The following MIB1 variants were observed in gnomAD, a reference collection of about 807,000 sequenced individuals.
MIB1 encodes E3 ubiquitin-protein ligase MIB1.
A neutral mutation model predicts 124.5 loss-of-function variants in MIB1; 278 were observed. The observed-to-expected ratio is 2.23, with a 90% CI of 2.02 to 2.47. MIB1 has a LOEUF of 2.47. Ranked by LOEUF, MIB1 falls within the 30% of genes most tolerant of loss-of-function variation. The probability of loss-of-function intolerance (pLI) is 0.00; values close to 1 mark genes in which losing one functional copy is unlikely to be tolerated. For synonymous variants in MIB1, 446 were observed against 429.4 expected (o/e 1.04, Z -0.48); for missense variants, 957 against 1,254.4 (o/e 0.76, Z 3.58).
chr18:21,778,286 A>G (rs1370430170), intron 5 of MIB1, 117 bp downstream of exon 5: 2 of 647,088 alleles, frequency 3.1e-6, no homozygotes, highest in East Asian at 5.9e-5. Flanking sequence ...TTAGAGAAAA[A>G]ATTTTTTGGC....
intron 14 of MIB1, 87 bp downstream of exon 14, chr18:21,843,304 G>A (rs2042108161): frequency 2.5e-6 from 2 of 810,878 alleles, no homozygotes; most frequent in South Asian, 4.0e-5. Context: ...ATGATACAGT[G>A]TTACATGTCT....
intron 10 of MIB1, among the ~76,000 whole-genome samples, chr18:21,805,236 C>T (rs960375078): frequency 6.6e-6 from 1 of 152,198 alleles, no homozygotes; most frequent in African/African-American, 2.4e-5. Context: ...TGGTCTCGAG[C>T]TCCTGACCTC....
At chr18:21,784,337 G>A (rs1426925445) in intron 6 of MIB1, among the ~76,000 whole-genome samples, 4 of 151,886 alleles carry the variant, frequency 2.6e-5, no homozygotes, top group Admixed American at 6.6e-5. Context: ...GTGAGCCACC[G>A]CGCCCAGCCC....
At chr18:21,835,570 G>A (rs994427940) in intron 12 of MIB1, among the ~76,000 whole-genome samples, 3 of 151,260 alleles carry the variant, frequency 2.0e-5, no homozygotes, top group African/African-American at 4.9e-5. Flanking sequence ...GTTCAAGACC[G>A]GCCTGGCCAA....
chr18:21,754,593 A>G (rs1179135104), intron 1 of MIB1, among the ~76,000 whole-genome samples: 2 of 152,216 alleles, frequency 1.3e-5, no homozygotes, highest in African/African-American at 2.4e-5. Flanking sequence ...CAGACAGGTC[A>G]AAGAGAAGCC....
intron 6 of MIB1, among the ~76,000 whole-genome samples, chr18:21,780,326 A>AG (rs1555690602): frequency 6.6e-6 from 1 of 151,860 alleles, no homozygotes; most frequent in African/African-American, 2.4e-5. Context: ...CAAACATTAG[A>AG]TTTTTTTCCC....
At chr18:21,759,786 C>G (rs2041078042) in intron 1 of MIB1, among the ~76,000 whole-genome samples, 1 of 152,186 alleles carries the variant, frequency 6.6e-6, no homozygotes, top group Non-Finnish European at 1.5e-5. Flanking sequence ...GAAAACTCTA[C>G]TTTTCTCTTT....
intron 12 of MIB1, among the ~76,000 whole-genome samples, chr18:21,837,351 AC>A (rs2042043114): frequency 6.6e-6 from 1 of 152,182 alleles, no homozygotes; most frequent in South Asian, 2.1e-4. Flanking sequence ...TACTGAAAAT[AC>A]AAAAAATTAG....
chr18:21,782,897 T>G (rs749894919), intron 6 of MIB1, among the ~76,000 whole-genome samples: 14 of 152,194 alleles, frequency 9.2e-5, no homozygotes, highest in Non-Finnish European at 2.1e-4. Context: ...GTTAAAGATA[T>G]TGCAGTGTAT....
intron 4 of MIB1, among the ~76,000 whole-genome samples, chr18:21,774,126 T>C (rs2041253853): frequency 6.6e-6 from 1 of 152,226 alleles, no homozygotes; most frequent in African/African-American, 2.4e-5. Context: ...ATATTAAAAT[T>C]ATTTTTTAGG....
intron 17 of MIB1, among the ~76,000 whole-genome samples, chr18:21,850,318 G>A (rs1050357937): frequency 6.6e-6 from 1 of 151,858 alleles, no homozygotes; most frequent in African/African-American, 2.4e-5. Flanking sequence ...GAGCATGTTG[G>A]TTTTGAAGTA....
At chr18:21,804,463 G>T (rs547576488) in intron 10 of MIB1, among the ~76,000 whole-genome samples, 1 of 152,256 alleles carries the variant, frequency 6.6e-6, no homozygotes, top group East Asian at 1.9e-4. Flanking sequence ...TATTTGAAGA[G>T]TTCATAATGC....
At chr18:21,740,000 T>C (rs1465507524), upstream of MIB1, among the ~76,000 whole-genome samples, 2 of 152,208 alleles carry the variant, frequency 1.3e-5, no homozygotes, top group Non-Finnish European at 2.9e-5. Flanking sequence ...TGGGTACATT[T>C]TACGTCCGTT....
intron 1 of MIB1, among the ~76,000 whole-genome samples, chr18:21,719,872 T>G (rs894045460): frequency 3.3e-5 from 5 of 152,194 alleles, no homozygotes; most frequent in African/African-American, 1.2e-4. Context: ...TCCTTGATAT[T>G]GTTGTCATTG....
At chr18:21,783,390 C>A (rs972138299) in intron 6 of MIB1, among the ~76,000 whole-genome samples, 1 of 151,718 alleles carries the variant, frequency 6.6e-6, no homozygotes, top group African/African-American at 2.4e-5. Context: ...CTACAGGTGC[C>A]CTCCACCAAG....
chr18:21,755,595 G>A (rs566542827), intron 1 of MIB1, among the ~76,000 whole-genome samples: 20 of 152,254 alleles, frequency 1.3e-4, no homozygotes, highest in Admixed American at 8.5e-4. Flanking sequence ...GATTACGGGC[G>A]TGAGCCACCG....
chr18:21,858,377 T>C (rs2042246045), intron 19 of MIB1, among the ~76,000 whole-genome samples, 169 bp from the exon 20 acceptor site: 1 of 152,214 alleles, frequency 6.6e-6, no homozygotes, highest in Admixed American at 6.5e-5. Flanking sequence ...AATGGAAAAG[T>C]GTAACAGAAC....
intron 4 of MIB1, among the ~76,000 whole-genome samples, chr18:21,775,790 T>G (rs2041278444): frequency 1.3e-5 from 2 of 152,300 alleles, no homozygotes; most frequent in South Asian, 2.1e-4. Context: ...GCCGAGTATG[T>G]TGTTGTGCCA....
intron 6 of MIB1, among the ~76,000 whole-genome samples, chr18:21,782,770 G>A (rs1402060765): frequency 1.3e-5 from 2 of 152,098 alleles, no homozygotes; most frequent in Non-Finnish European, 2.9e-5. Context: ...TTCTGTAAGT[G>A]TCAATTATGT....
Sources: gnomAD v4.1 joint callset for allele counts (sites outside exome capture counted in the v4.1 genomes callset) on GRCh38, gnomAD v4.1.1 for gene constraint, MANE v1.5 for transcripts, NCBI Gene and HGNC (gene_info 2026-07-23, HGNC 2026-07-21) for gene names.